The following ANGPT1 variants were observed in gnomAD, a reference collection of about 807,000 sequenced individuals.
The protein encoded by ANGPT1 is angiopoietin-1.
Under a neutral mutation model 62.2 loss-of-function variants are expected in ANGPT1, and 17 were observed. That is an observed-to-expected ratio of 0.27 (90% confidence interval 0.19 to 0.41). The LOEUF is 0.41. ANGPT1 is among the 10% of genes least tolerant of loss of function. The pLI is 1.00. For synonymous variants in ANGPT1, 199 were observed against 198.9 expected (o/e 1.00, Z 0.00); for missense variants, 478 against 594.9 (o/e 0.80, Z 2.04).
At chr8:107,299,245 G>C (rs1200604769) in intron 5 of ANGPT1, among the ~76,000 whole-genome samples, 1 of 150,986 alleles carries the variant, frequency 6.6e-6, no homozygotes, top group Non-Finnish European at 1.5e-5. Context: ...CTGATTAAAA[G>C]GGTGTATCCT....
chr8:107,416,306 G>A (rs919465512), intron 1 of ANGPT1, among the ~76,000 whole-genome samples: 7 of 152,152 alleles, frequency 4.6e-5, no homozygotes, highest in Admixed American at 4.6e-4. Flanking sequence ...ATTTGCTAGA[G>A]CAGCTCATAA....
At chr8:107,459,564 G>A (rs1417901671) in intron 1 of ANGPT1, among the ~76,000 whole-genome samples, 1 of 152,048 alleles carries the variant, frequency 6.6e-6, no homozygotes, top group Non-Finnish European at 1.5e-5. Flanking sequence ...CATATTATGT[G>A]GGAACGAGGA....
intron 3 of ANGPT1, among the ~76,000 whole-genome samples, chr8:107,330,549 GAATT>G (rs1815397043): frequency 1.3e-5 from 2 of 152,258 alleles, no homozygotes; most frequent in South Asian, 4.1e-4. Context: ...GGTTGAGAGG[GAATT>G]AATAGAGGAA....
At chr8:107,483,146 T>C (rs1422380705) in intron 1 of ANGPT1, among the ~76,000 whole-genome samples, 2 of 152,210 alleles carry the variant, frequency 1.3e-5, no homozygotes, top group Non-Finnish European at 2.9e-5. Flanking sequence ...AATAGTAGGA[T>C]ACTATATAGA....
At chr8:107,468,697 C>A (rs1812270549) in intron 1 of ANGPT1, among the ~76,000 whole-genome samples, 1 of 151,932 alleles carries the variant, frequency 6.6e-6, no homozygotes, top group African/African-American at 2.4e-5. Context: ...AAAATAAGAT[C>A]CCTCTTGAAC....
At chr8:107,283,566 G>A (rs1460108585) in intron 7 of ANGPT1, among the ~76,000 whole-genome samples, 1 of 151,962 alleles carries the variant, frequency 6.6e-6, no homozygotes, top group East Asian at 1.9e-4. Flanking sequence ...AGACAAATAA[G>A]CAGCAGAAAC....
intron 2 of ANGPT1, among the ~76,000 whole-genome samples, chr8:107,337,160 A>C (rs556245176): frequency 2.0e-5 from 3 of 152,244 alleles, no homozygotes; most frequent in Non-Finnish European, 4.4e-5. Context: ...CCAAGTTCAC[A>C]CAGGAACCAA....
chr8:107,360,855 A>G (rs770775598), intron 1 of ANGPT1, among the ~76,000 whole-genome samples: 11 of 152,220 alleles, frequency 7.2e-5, no homozygotes, highest in Non-Finnish European at 1.6e-4. Flanking sequence ...GAATGATTGA[A>G]TCAACATGTG....
Position 107,284,671 on chromosome 8 carries a change from G to T in ANGPT1, c.1205+11C>A. ...AAAGGTAGTCGAACACTACACTGTA[G>T]CATGACTTACCTATAGTTTTGCTTT... On this transcript the variant is annotated intron_variant, in intron 7 of 8. Transcript: ENST00000517746. 1.3e-6 allele frequency: 2 copies of T among 1,560,646 alleles called. No homozygotes were observed. Among genetic ancestry groups the T allele is most frequent in the South Asian group, 1.2e-5 (1 of 80,810 alleles).
At position 107,299,515 on chromosome 8, in the gene ANGPT1, T is replaced by C. The variant is rs531634581; in HGVS notation, c.936+3725A>G. Reference sequence around the variant, plus strand: ...TAAGCATATATATGTACTAAGCATATATATACACTAAGCATATATATAGAT... The same window carrying C: ...TAAGCATATATATGTACTAAGCATACATATACACTAAGCATATATATAGAT... On this transcript the variant is annotated intron_variant, in intron 5 of 8. Transcript: ENST00000517746. 2.8e-5 allele frequency among the ~76,000 whole-genome samples: 4 copies of C among 141,618 alleles called. No homozygotes were observed. In the South Asian group the frequency reaches 8.8e-4, roughly 31 times the overall value. 92.9% of individuals were successfully genotyped at this position (141,618 alleles called of 152,430 possible).
intron 6 of ANGPT1, among the ~76,000 whole-genome samples, chr8:107,287,773 T>C (rs984499226): frequency 6.6e-5 from 10 of 152,178 alleles, no homozygotes; most frequent in Non-Finnish European, 1.2e-4. Context: ...GCCACATATT[T>C]GCTGTAGAAA....
intron 1 of ANGPT1, among the ~76,000 whole-genome samples, chr8:107,398,592 G>A (rs2130323460): frequency 7.0e-6 from 1 of 143,806 alleles, no homozygotes; most frequent in Non-Finnish European, 1.5e-5. Flanking sequence ...AAGTTCTGCT[G>A]ATGGGTCATA....
chr8:107,328,382 C>G (rs574663960), intron 3 of ANGPT1, among the ~76,000 whole-genome samples: 1 of 151,266 alleles, frequency 6.6e-6, no homozygotes, highest in African/African-American at 2.4e-5. Flanking sequence ...AGCATAGATA[C>G]TATAAGTAAA....
intron 1 of ANGPT1, among the ~76,000 whole-genome samples, chr8:107,450,989 T>C (rs548727620): frequency 1.3e-5 from 2 of 151,912 alleles, no homozygotes; most frequent in East Asian, 1.9e-4. Flanking sequence ...GTATTGTAAA[T>C]GCACCATGAT....
chr8:107,291,898 G>C lies in ANGPT1; in HGVS notation c.1038+2038C>G, dbSNP rs943704346. On this transcript the variant is annotated intron_variant, in intron 6 of 8. Transcript: ENST00000517746. ...TTCTATTTCCACTGAAGATGGGGGG[G>C]GGGGGGGGCTTGCCACTTAATAGGC... 1.4e-4 allele frequency among the ~76,000 whole-genome samples: 20 copies of C among 146,202 alleles called. 1 individual carries two copies. The highest frequency in any genetic ancestry group is 4.7e-4 in the Admixed American group (7 of 14,826).
chr8:107,330,429 A>G (rs866272956), intron 3 of ANGPT1, among the ~76,000 whole-genome samples: 1 of 152,206 alleles, frequency 6.6e-6, no homozygotes, highest in South Asian at 2.1e-4. Context: ...CCTCTAAAAA[A>G]TAAGATTATT....
intron 1 of ANGPT1, among the ~76,000 whole-genome samples, chr8:107,491,828 T>C (rs909677128): frequency 4.6e-5 from 7 of 152,190 alleles, no homozygotes; most frequent in Non-Finnish European, 8.8e-5. Context: ...CTTATTCATT[T>C]AAATTACATT....
chr8:107,266,775 C>A (rs1813623866), intron 7 of ANGPT1, among the ~76,000 whole-genome samples: 1 of 152,104 alleles, frequency 6.6e-6, no homozygotes, highest in Non-Finnish European at 1.5e-5. Flanking sequence ...GAATTCAGCA[C>A]AAATGTTTGA....
At chr8:107,281,490 G>A (rs66602224) in intron 7 of ANGPT1, among the ~76,000 whole-genome samples, 59,307 of 151,960 alleles carry the variant, frequency 0.39, 11,900 homozygotes, top group Middle Eastern at 0.45. Flanking sequence ...TTTTTTAAAT[G>A]TGTCTAGGCC....
Sources: gnomAD v4.1 joint callset for allele counts (sites outside exome capture counted in the v4.1 genomes callset) on GRCh38, gnomAD v4.1.1 for gene constraint, MANE v1.5 for transcripts, NCBI Gene and HGNC (gene_info 2026-07-23, HGNC 2026-07-21) for gene names.